Variants in DLC1 observed in about 807,000 individuals in gnomAD.
DLC1 encodes DLC1 Rho GTPase activating protein.
In DLC1, 54 loss-of-function variants were observed where a neutral mutation model predicts 140.3. The observed-to-expected ratio is 0.38, with a 90% confidence interval of 0.31 to 0.48. The LOEUF is 0.48. Ranked by LOEUF, DLC1 falls within the 20% of genes least tolerant of loss-of-function variation. The pLI, the probability that DLC1 is intolerant of heterozygous loss-of-function variation, is 0.96. For missense variants in DLC1, 2,536 were observed against 1,907.0 expected, an observed-to-expected ratio of 1.33 and a Z score of -6.14; for synonymous variants, 986 against 728.1, an observed-to-expected ratio of 1.35 and a Z score of -5.70.
intron 1 of DLC1, among the ~76,000 whole-genome samples, chr8:13,569,047 C>T (rs940779879): frequency 5.9e-5 from 9 of 152,158 alleles, no homozygotes; most frequent in African/African-American, 1.7e-4. Context: ...TATGAACCTT[C>T]TGTTGTTCAT....
chr8:13,269,056 G>C (rs561141831), intron 5 of DLC1, among the ~76,000 whole-genome samples: 1 of 151,772 alleles, frequency 6.6e-6, no homozygotes, highest in East Asian at 1.9e-4. Context: ...TGTATTTTTA[G>C]TAGAGACGGG....
At chr8:13,276,631 G>T (rs1171146279) in intron 5 of DLC1, 1 of 1,208,318 alleles carries the variant, frequency 8.3e-7, no homozygotes, top group Non-Finnish European at 1.0e-6. Flanking sequence ...ACCCTCGCGG[G>T]GCGCGCGAGC....
chr8:13,334,829 T>C (rs1763679731), intron 4 of DLC1, among the ~76,000 whole-genome samples: 1 of 152,346 alleles, frequency 6.6e-6, no homozygotes, highest in Admixed American at 6.5e-5. Context: ...TAAGTCATAA[T>C]CATAGCTATT....
At chr8:13,208,407 A>C (rs1346032376) in intron 5 of DLC1, among the ~76,000 whole-genome samples, 1 of 152,194 alleles carries the variant, frequency 6.6e-6, no homozygotes, top group East Asian at 1.9e-4. Flanking sequence ...CAGTCTTCCC[A>C]AGAACATTAT....
At chr8:13,116,585 A>T (rs891887880) in intron 5 of DLC1, among the ~76,000 whole-genome samples, 1 of 152,206 alleles carries the variant, frequency 6.6e-6, no homozygotes, top group African/African-American at 2.4e-5. Context: ...TTCATTAAGC[A>T]TCTCTCTCAA....
chr8:13,511,845 C>A lies in DLC1; in HGVS notation c.-126+2757G>T, dbSNP rs192249963. Among the ~76,000 whole-genome samples the A allele has an allele frequency of 1.3e-3, 197 of 152,172 alleles. 1 individual carries two copies. Among genetic ancestry groups the A allele is most frequent in the Admixed American group, 0.012 (182 of 15,264 alleles). On this transcript the variant is annotated intron_variant, in intron 1 of 17. Transcript: ENST00000276297. ...CTCATTTTATAACACTGACATCACT[C>A]ATTTTTCAAGAGGAAACAAAAAACA...
rs777832666 is a variant in DLC1 at position 13,086,405 on chromosome 8, G to C, written c.4351C>G (p.His1451Asp). The C allele has an allele frequency of 1.4e-5, 22 of 1,614,122 alleles. No individual in the cohort carries two copies. Among genetic ancestry groups the C allele is most frequent in the Non-Finnish European group, 1.8e-5 (21 of 1,180,054 alleles). Residue 1451 changes from histidine to aspartate, a missense_variant, in exon 17 of 18, where the codon CAC becomes GAC. Coordinates refer to ENST00000276297, the MANE Select transcript of DLC1 (RefSeq NM_182643.3). ...ACALLLTSVD[H>D]DRAPVVGVRV... ...ACACCCACCACAGGTGCGCGATCGTGATCCACAGAGGTTAGTAAAAGGGCA... is the reference window on the plus strand; with the variant it reads ...ACACCCACCACAGGTGCGCGATCGTCATCCACAGAGGTTAGTAAAAGGGCA...
intron 1 of DLC1, among the ~76,000 whole-genome samples, chr8:13,565,730 G>T (rs1026233310): frequency 2.0e-5 from 3 of 152,002 alleles, no homozygotes; most frequent in African/African-American, 7.3e-5. Flanking sequence ...GAGAAAGAAG[G>T]GTGTCTAGGC....
intron 1 of DLC1, among the ~76,000 whole-genome samples, chr8:13,582,170 G>T (rs1375301906): frequency 6.6e-6 from 1 of 152,106 alleles, no homozygotes; most frequent in Non-Finnish European, 1.5e-5. Context: ...CCAACGGTTG[G>T]GATATGGTAA....
rs767166775 is a variant in DLC1, at chr8:13,170,603, A to G, written c.1349-54946T>C. Among the ~76,000 whole-genome samples the G allele has an allele frequency of 3.2e-4, 48 of 151,948 alleles. 1 individual carries two copies. The Middle Eastern group carries it at 0.014, about 43-fold the overall frequency. ...AAATTAGCTGGGCATGGTGGCGGGCACCTGTAGTCCCAGCTAGTCGGGAGG... is the reference window on the plus strand; with the variant it reads ...AAATTAGCTGGGCATGGTGGCGGGCGCCTGTAGTCCCAGCTAGTCGGGAGG... On this transcript the variant is annotated intron_variant, in intron 5 of 17. Transcript: ENST00000276297.
chr8:13,241,599 T>C (rs1273466399), intron 5 of DLC1, among the ~76,000 whole-genome samples: 3 of 152,198 alleles, frequency 2.0e-5, no homozygotes, highest in Admixed American at 2.0e-4. Flanking sequence ...TTTCCTTTCC[T>C]TCTCTGCACC....
intron 5 of DLC1, among the ~76,000 whole-genome samples, chr8:13,219,038 A>ATATAATTG (rs1340496352): frequency 0.015 from 459 of 30,672 alleles, 24 homozygotes; most frequent in Non-Finnish European, 0.019. Flanking sequence ...AATTATGTGA[A>ATATAATTG]TATAATTATA....
intron 2 of DLC1, among the ~76,000 whole-genome samples, chr8:13,495,581 T>A (rs1475515778): frequency 6.6e-6 from 1 of 152,184 alleles, no homozygotes; most frequent in Non-Finnish European, 1.5e-5. Context: ...AAGGTCAATA[T>A]TTGTGATCCC....
chr8:13,327,241 G>A (rs1193897888), intron 4 of DLC1, among the ~76,000 whole-genome samples: 2 of 148,902 alleles, frequency 1.3e-5, no homozygotes, highest in Non-Finnish European at 3.0e-5. Flanking sequence ...CCAAAGTGCT[G>A]GGATTACAGG....
chr8:13,261,973 G>T (rs1327915284), intron 5 of DLC1, among the ~76,000 whole-genome samples: 2 of 152,134 alleles, frequency 1.3e-5, no homozygotes, highest in African/African-American at 4.8e-5. Context: ...GTTTAGCTTA[G>T]ATATGAAGAA....
In DLC1 at chr8:13,165,383, C is replaced by T. The variant is rs550259220; in HGVS notation, c.1349-49726G>A. ...TTTGAAGAGGTTTTCGCGTGACACACGGAAAGGGTAGCTGGTAGGTAAATG... is the reference window on the plus strand; with the variant it reads ...TTTGAAGAGGTTTTCGCGTGACACATGGAAAGGGTAGCTGGTAGGTAAATG... On this transcript the variant is annotated intron_variant, in intron 5 of 17. Coordinates refer to ENST00000276297, the MANE Select transcript of DLC1 (RefSeq NM_182643.3). Among the ~76,000 whole-genome samples, 3 of 152,258 alleles carry T rather than the reference C, an allele frequency of 2.0e-5. No homozygotes were observed. In the South Asian group the frequency reaches 6.2e-4, roughly 32 times the overall value.
In DLC1 at chr8:13,092,801, T is replaced by G; in HGVS notation, c.3551A>C (p.Gln1184Pro). The part of the protein sequence containing the change: ...YQYVPKDQRL[Q>P]AIKAAIMLLP... Reference sequence around the variant, plus strand: ...CAGCATGATGGCAGCCTTGATGGCCTGCAGGCGCTGGTCCTTGGGCACATC... The same window carrying G: ...CAGCATGATGGCAGCCTTGATGGCCGGCAGGCGCTGGTCCTTGGGCACATC... Residue 1184 changes from glutamine to proline, a missense_variant, in exon 13 of 18, where the codon CAG (glutamine) becomes CCG (proline). Physicochemically the swap from Gln to Pro is moderately conservative, Grantham distance 76. Coordinates refer to ENST00000276297, the MANE Select transcript of DLC1 (RefSeq NM_182643.3). The G allele has an allele frequency of 6.2e-7, 1 of 1,613,912 alleles. No individual in the cohort carries two copies. Among genetic ancestry groups the G allele is most frequent in the African/African-American group, 1.3e-5 (1 of 75,042 alleles).
intron 2 of DLC1, among the ~76,000 whole-genome samples, chr8:13,466,618 A>G (rs1278166562): frequency 6.6e-6 from 1 of 152,180 alleles, no homozygotes; most frequent in African/African-American, 2.4e-5. Flanking sequence ...AAACATCCAC[A>G]ACCATCTTCC....
chr8:13,175,377 G>T (rs1178551108), intron 5 of DLC1, among the ~76,000 whole-genome samples: 2 of 149,140 alleles, frequency 1.3e-5, no homozygotes, highest in Non-Finnish European at 1.5e-5. Context: ...GTTCTGAGTA[G>T]TTTTTTTCTA....
Sources: allele counts gnomAD v4.1 joint callset (sites outside exome capture counted in the v4.1 genomes callset), GRCh38; gene constraint gnomAD v4.1.1; transcripts MANE v1.5; gene names NCBI Gene and HGNC (gene_info 2026-07-23, HGNC 2026-07-21).